Variants in RAB33A observed in about 807,000 individuals in gnomAD.
RAB33A encodes the protein ras-related protein Rab-33A.
A neutral mutation model predicts 12.0 loss-of-function variants in RAB33A; 6 were observed. That is an observed-to-expected ratio of 0.50 (90% CI 0.27 to 0.99). The LOEUF (loss-of-function observed/expected upper bound fraction) is 0.99. Ranked by LOEUF, RAB33A falls within the 50% of genes least tolerant of loss-of-function variation. RAB33A has a pLI of 0.11. For synonymous variants in RAB33A, 70 were observed against 82.4 expected (o/e 0.85, Z 0.81); for missense variants, 109 against 192.0 (o/e 0.57, Z 2.55).
the RAB33A span, among the ~76,000 whole-genome samples, chrX:130,147,143 A>G: frequency 8.9e-6 from 1 of 111,882 alleles, no homozygotes; most frequent in Non-Finnish European, 1.9e-5. Flanking sequence ...GCCTGGTGAC[A>G]GAGCAGCAAG....
At chrX:130,180,698 C>T (rs1172781126) in intron 1 of RAB33A, among the ~76,000 whole-genome samples, 12 of 103,233 alleles carry the variant, frequency 1.2e-4, no homozygotes, top group African/African-American at 3.5e-4. Context: ...TCTCGTGATC[C>T]GCCCGCCTCA....
the RAB33A span, among the ~76,000 whole-genome samples, chrX:130,111,663 C>T: frequency 8.9e-6 from 1 of 111,812 alleles, no homozygotes; most frequent in Non-Finnish European, 1.9e-5. Flanking sequence ...GGGAGAGGGG[C>T]TGGCCCAGCA....
At chrX:130,139,889 A>G in the RAB33A span, 5 of 1,187,774 alleles carry the variant, frequency 4.2e-6, no homozygotes, top group African/African-American at 3.5e-5. Context: ...TAAGAGAAGG[A>G]AAACCCTTTA....
At chrX:130,169,194 C>A (rs763153589), upstream of RAB33A, among the ~76,000 whole-genome samples, 6 of 88,303 alleles carry the variant, frequency 6.8e-5, no homozygotes, top group South Asian at 3.5e-3. Flanking sequence ...GGTGACAGAG[C>A]GAGACTCCAT....
chrX:130,151,838 C>T, the RAB33A span, among the ~76,000 whole-genome samples: 2 of 110,873 alleles, frequency 1.8e-5, no homozygotes, highest in East Asian at 2.8e-4. Flanking sequence ...GCCAGGAGTT[C>T]GAGACTAGCC....
chrX:130,179,675 T>C (rs1390729640), intron 1 of RAB33A, among the ~76,000 whole-genome samples: 1 of 103,157 alleles, frequency 9.7e-6, no homozygotes, highest in Non-Finnish European at 2.0e-5. Context: ...TGAGGACTTA[T>C]GTTTTTTCTG....
At chrX:130,171,569 G>A (rs2031606135), upstream of RAB33A, 1 of 122,900 alleles carries the variant, frequency 8.1e-6, no homozygotes, top group Non-Finnish European at 1.7e-5. Context: ...ATAAACGGGG[G>A]CAAGGAGAAA....
At chrX:130,158,511 T>C in the RAB33A span, among the ~76,000 whole-genome samples, 1 of 110,159 alleles carries the variant, frequency 9.1e-6, no homozygotes, top group Non-Finnish European at 1.9e-5. Context: ...GGCTCAAGAA[T>C]GTGCATTTCT....
chrX:130,153,788 C>G, the RAB33A span, among the ~76,000 whole-genome samples: 1 of 111,647 alleles, frequency 9.0e-6, no homozygotes, highest in Non-Finnish European at 1.9e-5. Context: ...GAAGAGAGCC[C>G]TCACCAGAAA....
chrX:130,139,882 G>A, the RAB33A span: 9 of 1,201,790 alleles, frequency 7.5e-6, no homozygotes, highest in South Asian at 7.0e-5. Flanking sequence ...CTGGAAATAA[G>A]AGAAGGAAAA....
chrX:130,129,535 T>A, the RAB33A span: 3 of 1,201,518 alleles, frequency 2.5e-6, no homozygotes, highest in East Asian at 8.9e-5. Context: ...TGCAGTGGGT[T>A]TGCCAATTCC....
chrX:130,165,828 C>A, the RAB33A span: 1 of 507,907 alleles, frequency 2.0e-6, no homozygotes, highest in Non-Finnish European at 3.5e-6. Flanking sequence ...CTGCTAGAGC[C>A]GGGGAAGGGG....
the RAB33A span, among the ~76,000 whole-genome samples, chrX:130,142,165 C>CAAGAGTGACAAATGTGATGT: frequency 1.8e-5 from 2 of 111,953 alleles, no homozygotes; most frequent in Admixed American, 1.9e-4. Context: ...TAACAATAAT[C>CAAGAGTGACAAATGTGATGT]AAGAGTGACA....
chrX:130,113,521 T>G, the RAB33A span, among the ~76,000 whole-genome samples: 18 of 109,312 alleles, frequency 1.6e-4, no homozygotes, highest in African/African-American at 5.7e-4. Context: ...CCTCCTGGGT[T>G]CAAGCGATTC....
chrX:130,115,387 T>C, the RAB33A span, among the ~76,000 whole-genome samples: 2 of 111,899 alleles, frequency 1.8e-5, no homozygotes, highest in Non-Finnish European at 3.8e-5. Flanking sequence ...CCGAGGCAGA[T>C]GAATCACCTG....
the RAB33A span, among the ~76,000 whole-genome samples, chrX:130,112,141 C>CAA: frequency 2.2e-3 from 252 of 112,139 alleles, no homozygotes; most frequent in Admixed American, 2.6e-3. Flanking sequence ...CTGCAGATTA[C>CAA]AAGTTCCCAA....
chrX:130,168,138 G>A (rs949200278), upstream of RAB33A, among the ~76,000 whole-genome samples: 2 of 107,503 alleles, frequency 1.9e-5, no homozygotes, highest in Admixed American at 9.9e-5. Flanking sequence ...GATTGCTCCC[G>A]TGCACTCCAG....
At chrX:130,169,750 A>G (rs1337995623), upstream of RAB33A, among the ~76,000 whole-genome samples, 1 of 112,315 alleles carries the variant, frequency 8.9e-6, no homozygotes, top group Non-Finnish European at 1.9e-5. Context: ...GCTTACATTG[A>G]AATAATCTTA....
the RAB33A span, chrX:130,155,292 G>A: frequency 8.3e-7 from 1 of 1,208,295 alleles, no homozygotes; most frequent in East Asian, 3.0e-5. Flanking sequence ...CACAACTGTA[G>A]GTAAAGATAA....
Sources: gnomAD v4.1 joint callset for allele counts (sites outside exome capture counted in the v4.1 genomes callset) on GRCh38, gnomAD v4.1.1 for gene constraint, MANE v1.5 for transcripts, NCBI Gene and HGNC (gene_info 2026-07-23, HGNC 2026-07-21) for gene names.